PTTG1IP: variants seen among roughly 807,000 people sequenced by gnomAD.
PTTG1IP encodes PTTG1 interacting protein, also known as pituitary tumor-transforming gene 1 protein-interacting protein.
PTTG1IP carries 16 observed loss-of-function variants against 24.4 expected under a neutral mutation model. That is an observed-to-expected ratio of 0.66 (90% CI 0.44 to 1.00). The LOEUF (loss-of-function observed/expected upper bound fraction) is 1.00, where lower values mean the gene tolerates loss of function less well. Ranked by LOEUF, PTTG1IP falls within the 50% of genes least tolerant of loss-of-function variation. The pLI is 0.00. For synonymous variants in PTTG1IP, 89 were observed against 96.8 expected, an observed-to-expected ratio of 0.92 and a Z score of 0.47; for missense variants, 241 against 245.8, an observed-to-expected ratio of 0.98 and a Z score of 0.13.
chr21:44,866,583 AAT>A, intron 1 of PTTG1IP, among the ~76,000 whole-genome samples: 1 of 111,402 alleles, frequency 9.0e-6, no homozygotes, highest in Non-Finnish European at 1.9e-5. Context: ...CTACTCCCCC[AAT>A]CCCATAACAC....
At chr21:44,862,184 G>A (rs1259730543) in intron 2 of PTTG1IP, among the ~76,000 whole-genome samples, 1 of 152,224 alleles carries the variant, frequency 6.6e-6, no homozygotes, top group Non-Finnish European at 1.5e-5. Context: ...CGTGACAGGG[G>A]ACAGCCTAGC....
intron 5 of PTTG1IP, 104 bp downstream of exon 5, chr21:44,855,106 G>A: frequency 2.4e-6 from 3 of 1,246,302 alleles, no homozygotes; most frequent in Non-Finnish European, 2.3e-6. Context: ...GTTCCGATGG[G>A]TGAACCCACA....
intron 1 of PTTG1IP, among the ~76,000 whole-genome samples, chr21:44,871,745 C>T (rs2083587777): frequency 6.6e-6 from 1 of 152,196 alleles, no homozygotes; most frequent in Non-Finnish European, 1.5e-5. Flanking sequence ...TCTCCAAGGA[C>T]AAGGGGCACG....
At chr21:44,854,402 C>T (rs1298621124) in intron 5 of PTTG1IP, among the ~76,000 whole-genome samples, 1 of 152,220 alleles carries the variant, frequency 6.6e-6, no homozygotes, top group African/African-American at 2.4e-5. Flanking sequence ...GGACCACGCA[C>T]CTCGCACAGG....
intron 2 of PTTG1IP, among the ~76,000 whole-genome samples, chr21:44,862,378 G>A (rs943016960): frequency 6.6e-6 from 1 of 152,204 alleles, no homozygotes; most frequent in Non-Finnish European, 1.5e-5. Flanking sequence ...AATAAGCCGG[G>A]CGTGGTGGCA....
At chr21:44,865,251 G>T in intron 2 of PTTG1IP, 144 bp downstream of exon 2, 2 of 790,544 alleles carry the variant, frequency 2.5e-6, no homozygotes, top group Non-Finnish European at 2.1e-6. Context: ...AATAACATTT[G>T]ATAACGATTC....
chr21:44,870,540 A>AAAAAG (rs2083576752), intron 1 of PTTG1IP, among the ~76,000 whole-genome samples: 1 of 144,752 alleles, frequency 6.9e-6, no homozygotes, highest in African/African-American at 2.6e-5. Context: ...AAAAAAAAAA[A>AAAAAG]AAAAAAAAGA....
At chr21:44,873,454 C>T (rs2083607310) in intron 1 of PTTG1IP, 48 bp downstream of exon 1, 6 of 1,320,896 alleles carry the variant, frequency 4.5e-6, no homozygotes, top group Non-Finnish European at 5.8e-6. Flanking sequence ...CCTGGACCCA[C>T]CAGCCGCCCC....
chr21:44,856,887 C>T (rs539561892), intron 3 of PTTG1IP, among the ~76,000 whole-genome samples: 7 of 152,160 alleles, frequency 4.6e-5, no homozygotes, highest in South Asian at 2.1e-4. Context: ...AAAGAATGAC[C>T]GTGGAGGAGC....
intron 2 of PTTG1IP, among the ~76,000 whole-genome samples, chr21:44,863,271 A>AGCAG (rs2083508644): frequency 3.0e-5 from 3 of 100,962 alleles, no homozygotes; most frequent in African/African-American, 1.4e-4. Context: ...CGGCCTCGGC[A>AGCAG]ACACAGAGAC....
At position 44,861,281 on chromosome 21, in the gene PTTG1IP, A is replaced by G; in HGVS notation, c.169-10T>C. On this transcript the variant is annotated splice_polypyrimidine_tract_variant and intron_variant, in intron 2 of 5. Transcript: ENST00000330938. ...TGTTGCACCAAAGACACTGAAAGAG[A>G]CCAACATTAAGCAAGCATTAGAAAC... 1 of 1,599,942 alleles carries G rather than the reference A, an allele frequency of 6.3e-7. No homozygotes were observed. Among genetic ancestry groups the G allele is most frequent in the Non-Finnish European group, 8.6e-7 (1 of 1,168,870 alleles).
chr21:44,855,226 TTCA>T lies in PTTG1IP; in HGVS notation c.477_479del (p.Asp159del), dbSNP rs767058645. 42 of 1,612,630 alleles carry T rather than the reference TTCA, an allele frequency of 2.6e-5. No individual in the cohort carries two copies. Among genetic ancestry groups the T allele is most frequent in the Middle Eastern group, 1.6e-4 (1 of 6,084 alleles). Reference sequence around the variant, plus strand: ...AGTCCTTACCATATTTTTTTCTGATTTCATCATGTCTTGTCTTCATCTCTGCTC... The same window carrying T: ...AGTCCTTACCATATTTTTTTCTGATTTCATGTCTTGTCTTCATCTCTGCTC... On this transcript the variant is annotated inframe_deletion, in exon 5 of 6. Coordinates refer to ENST00000330938, the MANE Select transcript of PTTG1IP (RefSeq NM_004339.4).
chr21:44,858,868 A>T (rs548835542), intron 3 of PTTG1IP, among the ~76,000 whole-genome samples: 9 of 152,330 alleles, frequency 5.9e-5, no homozygotes, highest in African/African-American at 2.2e-4. Flanking sequence ...GTGACTGGTT[A>T]CCCTAAACAT....
intron 1 of PTTG1IP, among the ~76,000 whole-genome samples, chr21:44,872,617 C>G (rs1000478368): frequency 1.3e-5 from 2 of 152,182 alleles, no homozygotes; most frequent in African/African-American, 4.8e-5. Flanking sequence ...TTTCCCGCAG[C>G]CCACCAGGCC....
intron 5 of PTTG1IP, among the ~76,000 whole-genome samples, chr21:44,854,455 C>A (rs1320670413): frequency 1.8e-5 from 2 of 112,568 alleles, no homozygotes; most frequent in Non-Finnish European, 4.0e-5. Flanking sequence ...CACACAACCA[C>A]AAACCCAGCG....
chr21:44,865,050 G>A (rs1015449516), intron 2 of PTTG1IP, among the ~76,000 whole-genome samples: 4 of 152,184 alleles, frequency 2.6e-5, no homozygotes, highest in East Asian at 1.9e-4. Flanking sequence ...CCGACAGCCT[G>A]GGAAAACACG....
rs1252306998 is a variant in PTTG1IP, at chr21:44,851,578, G to A, written c.*3C>T. 5.0e-6 allele frequency: 8 copies of A among 1,598,504 alleles called. No homozygotes were observed. The highest frequency in any genetic ancestry group is 3.4e-5 in the Admixed American group (2 of 59,682). On this transcript the variant is annotated 3_prime_UTR_variant, in exon 6 of 6. Transcript: ENST00000330938. ...AGCGTCGGGACTGATGTGCTGGAGC[G>A]CTTTAGTTGTTTTCAAATCTAGCAT...
chr21:44,856,573 AGCCACACGTTCCT>A (rs1569322220), intron 3 of PTTG1IP, among the ~76,000 whole-genome samples: 7 of 152,228 alleles, frequency 4.6e-5, no homozygotes, highest in Non-Finnish European at 7.3e-5. Flanking sequence ...GTCTCCTTTC[AGCCACACGTTCCT>A]ATCTGTGACT....
rs2083439838 is a variant in PTTG1IP at position 44,855,215 on chromosome 21, T to A, written c.491A>T (p.Lys164Ile). 1 of 1,611,350 alleles carries A rather than the reference T, an allele frequency of 6.2e-7. No homozygotes were observed. Among genetic ancestry groups the A allele is most frequent in the Non-Finnish European group, 8.5e-7 (1 of 1,177,492 alleles). The change falls in exon 5 of 6, where the codon AAA becomes ATA. Residue 164 changes from lysine to isoleucine, a missense_variant. Physicochemically the swap from Lys to Ile is moderately radical, Grantham distance 102 (BLOSUM62 -3). Transcript: ENST00000330938. The stretch of plus-strand genomic sequence containing the variant: ...GAGGCGTGACCAGTCCTTACCATAT[T>A]TTTTTCTGATTTCATCATGTCTTGT... ...MKTRHDEIRK[K>I]YGLFKEENPY...
Sources: gnomAD v4.1 joint callset for allele counts (sites outside exome capture counted in the v4.1 genomes callset) on GRCh38, gnomAD v4.1.1 for gene constraint, MANE v1.5 for transcripts, NCBI Gene and HGNC (gene_info 2026-07-23, HGNC 2026-07-21) for gene names.